CSNK1G1: variants seen among roughly 807,000 people sequenced by gnomAD.
CSNK1G1 encodes casein kinase I isoform gamma-1.
Under a neutral mutation model 59.6 loss-of-function variants are expected in CSNK1G1, and 22 were observed. The observed-to-expected ratio is 0.37, with a 90% CI of 0.26 to 0.53. The LOEUF (loss-of-function observed/expected upper bound fraction) is 0.53, where lower values mean the gene tolerates loss of function less well. Among genes scored for constraint, CSNK1G1 ranks in the 20% least tolerant of loss-of-function variants. The pLI, the probability that CSNK1G1 is intolerant of heterozygous loss-of-function variation, is 0.89. For synonymous variants in CSNK1G1, 179 were observed against 177.1 expected, an observed-to-expected ratio of 1.01 and a Z score of -0.08; for missense variants, 384 against 519.5, an observed-to-expected ratio of 0.74 and a Z score of 2.54.
rs571435986 is a variant in CSNK1G1, at chr15:64,175,317, A to T, written c.1215-3332T>A. Among the ~76,000 whole-genome samples, 4 of 152,190 alleles carry T rather than the reference A, an allele frequency of 2.6e-5. No homozygotes were observed. In the South Asian group the frequency reaches 6.2e-4, roughly 24 times the overall value. Reference sequence around the variant, plus strand: ...CCAGTGCCCAACCCAGTCACTGAAGACAAATAGAAACATGGCAGTCATGAA... The same window carrying T: ...CCAGTGCCCAACCCAGTCACTGAAGTCAAATAGAAACATGGCAGTCATGAA... On this transcript the variant is annotated intron_variant, in intron 11 of 11. Coordinates refer to ENST00000303052, the MANE Select transcript of CSNK1G1 (RefSeq NM_022048.5).
intron 1 of CSNK1G1, among the ~76,000 whole-genome samples, chr15:64,331,207 CCG>C (rs2140457430): frequency 7.4e-6 from 1 of 135,926 alleles, no homozygotes; most frequent in African/African-American, 2.7e-5. Flanking sequence ...AAAAAAGAGC[CCG>C]CATTGCCAAG....
At chr15:64,263,079 CAAAA>C (rs1216890234) in intron 2 of CSNK1G1, among the ~76,000 whole-genome samples, 2 of 53,584 alleles carry the variant, frequency 3.7e-5, no homozygotes, top group Non-Finnish European at 4.6e-5. Flanking sequence ...AACGCCATCT[CAAAA>C]AAAAAAAAAA....
At chr15:64,182,054 T>A (rs12901196) in intron 10 of CSNK1G1, 2 of 73,094 alleles carry the variant, frequency 2.7e-5, no homozygotes, top group East Asian at 5.2e-4. Flanking sequence ...TAGTAACCCG[T>A]TTTTTTTTTT....
intron 10 of CSNK1G1, among the ~76,000 whole-genome samples, chr15:64,192,251 G>C (rs1455256254): frequency 6.6e-6 from 1 of 152,198 alleles, no homozygotes; most frequent in Non-Finnish European, 1.5e-5. Flanking sequence ...CAATTTCTCT[G>C]CATTACTTGA....
chr15:64,328,017 G>T, intron 1 of CSNK1G1, among the ~76,000 whole-genome samples: 1 of 53,480 alleles, frequency 1.9e-5, no homozygotes, highest in Non-Finnish European at 3.8e-5. Flanking sequence ...AGAAATATGG[G>T]ACTATGTGAA....
intron 1 of CSNK1G1, among the ~76,000 whole-genome samples, chr15:64,352,203 G>A: frequency 6.6e-6 from 1 of 151,874 alleles, no homozygotes; most frequent in South Asian, 2.1e-4. Flanking sequence ...TTATTCAGGA[G>A]GCTGAGGCAG....
rs764238511 is a variant in CSNK1G1 at position 64,214,466 on chromosome 15, T to C, written c.445-342A>G. Reference sequence around the variant, plus strand: ...TTAAGCATTTGAGACAAAAGAAGTATTCCCAGGTAGGATATCAAACTGTTG... The same window carrying C: ...TTAAGCATTTGAGACAAAAGAAGTACTCCCAGGTAGGATATCAAACTGTTG... On this transcript the variant is annotated intron_variant, in intron 5 of 11. Transcript: ENST00000303052. The surrounding 1 kb of genome is among the most constrained non-coding windows in gnomAD (Gnocchi z 4.3). Among the ~76,000 whole-genome samples, 1 of 152,180 alleles carries C rather than the reference T, an allele frequency of 6.6e-6. No individual in the cohort carries two copies. Among genetic ancestry groups the C allele is most frequent in the Admixed American group, 6.5e-5 (1 of 15,274 alleles).
intron 1 of CSNK1G1, among the ~76,000 whole-genome samples, chr15:64,337,840 A>C (rs957879844): frequency 6.6e-6 from 1 of 152,100 alleles, no homozygotes; most frequent in East Asian, 1.9e-4. Flanking sequence ...GATAACCTCT[A>C]TTCTACTTTG....
intron 10 of CSNK1G1, chr15:64,181,250 G>C: frequency 2.0e-6 from 3 of 1,535,880 alleles, no homozygotes; most frequent in Non-Finnish European, 2.6e-6. Context: ...CGAAATGTAA[G>C]TGAAGGCTCT....
At chr15:64,309,152 T>A (rs986125424) in intron 1 of CSNK1G1, among the ~76,000 whole-genome samples, 1 of 152,174 alleles carries the variant, frequency 6.6e-6, no homozygotes, top group South Asian at 2.1e-4. Context: ...GCCCCTCTTA[T>A]GTAGTCCTTT....
At chr15:64,290,415 TCACG>T (rs1894674308) in intron 2 of CSNK1G1, among the ~76,000 whole-genome samples, 1 of 152,006 alleles carries the variant, frequency 6.6e-6, no homozygotes, top group African/African-American at 2.4e-5. Flanking sequence ...TAATAAAATT[TCACG>T]TTTTTTGCAG....
chr15:64,323,042 C>T (rs1896646934), intron 1 of CSNK1G1, among the ~76,000 whole-genome samples: 1 of 151,920 alleles, frequency 6.6e-6, no homozygotes, highest in Non-Finnish European at 1.5e-5. Flanking sequence ...CATGTCTCAG[C>T]CCCCTGAGTA....
At chr15:64,346,461 TATTTA>T in intron 1 of CSNK1G1, among the ~76,000 whole-genome samples, 1 of 149,024 alleles carries the variant, frequency 6.7e-6, no homozygotes, top group Non-Finnish European at 1.5e-5. Flanking sequence ...TTTATTTATT[TATTTA>T]TTTATTTTGA....
At chr15:64,289,202 G>A (rs1039081913) in intron 2 of CSNK1G1, among the ~76,000 whole-genome samples, 3 of 150,034 alleles carry the variant, frequency 2.0e-5, no homozygotes, top group African/African-American at 7.5e-5. Flanking sequence ...AAAAAATTCC[G>A]GAATTGTTTG....
At chr15:64,286,734 G>T (rs1566934261) in intron 2 of CSNK1G1, among the ~76,000 whole-genome samples, 1 of 152,006 alleles carries the variant, frequency 6.6e-6, no homozygotes, top group Non-Finnish European at 1.5e-5. Flanking sequence ...TCTACCCCTA[G>T]CCTTTTATTT....
intron 2 of CSNK1G1, among the ~76,000 whole-genome samples, chr15:64,291,100 A>C (rs1894717822): frequency 6.6e-6 from 1 of 152,250 alleles, no homozygotes; most frequent in Admixed American, 6.5e-5. Flanking sequence ...GAACCTAAAA[A>C]TTTGTAAATT....
intron 4 of CSNK1G1, among the ~76,000 whole-genome samples, chr15:64,242,515 CT>C (rs1891527475): frequency 6.6e-6 from 1 of 152,192 alleles, no homozygotes; most frequent in African/African-American, 2.4e-5. Flanking sequence ...AAGCAGATGC[CT>C]GGTGCCACAC....
intron 1 of CSNK1G1, among the ~76,000 whole-genome samples, chr15:64,320,208 A>G (rs1896485462): frequency 6.6e-6 from 1 of 151,868 alleles, no homozygotes; most frequent in African/African-American, 2.4e-5. Flanking sequence ...CTTATTCTCT[A>G]GATAATTCCA....
chr15:64,193,357 G>C (rs947296878), intron 10 of CSNK1G1, among the ~76,000 whole-genome samples: 3 of 151,988 alleles, frequency 2.0e-5, no homozygotes, highest in Admixed American at 6.6e-5. Flanking sequence ...GCCAGGCATG[G>C]TGGTGCACAC....
Sources: allele counts gnomAD v4.1 joint callset (sites outside exome capture counted in the v4.1 genomes callset), GRCh38; gene constraint gnomAD v4.1.1; non-coding constraint Gnocchi (gnomAD v3.1); transcripts MANE v1.5; gene names NCBI Gene and HGNC (gene_info 2026-07-23, HGNC 2026-07-21).